The following RAP1B variants were observed in gnomAD, a reference collection of about 807,000 sequenced individuals.
RAP1B encodes RAP1B, member of RAS oncogene family.
A neutral mutation model predicts 27.5 loss-of-function variants in RAP1B; 1 was observed. That is an observed-to-expected ratio of 0.04 (90% CI 0.01 to 0.17). The LOEUF (loss-of-function observed/expected upper bound fraction) is 0.17. RAP1B is among the 10% of genes least tolerant of loss of function. RAP1B has a pLI of 1.00. For missense variants in RAP1B, 84 were observed against 214.8 expected (o/e 0.39, Z 3.81); for synonymous variants, 75 against 73.1 (o/e 1.03, Z -0.13).
chr12:68,625,592 G>A (rs772769679), intron 1 of RAP1B, among the ~76,000 whole-genome samples: 12 of 152,028 alleles, frequency 7.9e-5, no homozygotes, highest in African/African-American at 2.4e-4. Context: ...TGCAGATTAC[G>A]AACCCACAAT....
intron 1 of RAP1B, among the ~76,000 whole-genome samples, chr12:68,637,874 T>G (rs1371649991): frequency 6.6e-6 from 1 of 152,160 alleles, no homozygotes; most frequent in East Asian, 1.9e-4. Context: ...TTATTTGGTT[T>G]CATCTTCTTA....
At chr12:68,641,523 TA>T (rs1873002359) in intron 1 of RAP1B, among the ~76,000 whole-genome samples, 1 of 152,190 alleles carries the variant, frequency 6.6e-6, no homozygotes, top group Non-Finnish European at 1.5e-5. Context: ...GAAGTAATAA[TA>T]AACTACTTTT....
chr12:68,614,525 A>C (rs1870839344), intron 1 of RAP1B, among the ~76,000 whole-genome samples: 1 of 152,234 alleles, frequency 6.6e-6, no homozygotes. Context: ...ACTCTATAGA[A>C]AAGTTAGGTA....
intron 4 of RAP1B, among the ~76,000 whole-genome samples, chr12:68,653,038 C>G (rs193249256): frequency 6.6e-6 from 1 of 151,880 alleles, no homozygotes; most frequent in African/African-American, 2.4e-5. Context: ...TGGTGAAACC[C>G]GTCTCTATTA....
chr12:68,618,085 G>GTTTT (rs1871147122), intron 1 of RAP1B, among the ~76,000 whole-genome samples: 2 of 74,176 alleles, frequency 2.7e-5, no homozygotes, highest in Non-Finnish European at 2.7e-5. Context: ...GTTCTATAAA[G>GTTTT]CTTTTTTTTT....
chr12:68,632,129 GTTTTTTT>G (rs796286462), intron 1 of RAP1B, among the ~76,000 whole-genome samples: 1 of 104,414 alleles, frequency 9.6e-6, no homozygotes, highest in Non-Finnish European at 1.9e-5. Flanking sequence ...TTTTGGATTT[GTTTTTTT>G]TTTTTTTTTG....
intron 2 of RAP1B, chr12:68,649,652 A>G (rs1873669753): frequency 6.6e-6 from 1 of 152,246 alleles, no homozygotes; most frequent in South Asian, 2.1e-4. Flanking sequence ...AAGGCCACCT[A>G]GCTGAGAAGT....
Position 68,666,641 on chromosome 12 carries a change from TA to T in RAP1B, c.*7394del, listed in dbSNP as rs1188081887. ...CAGGATAATCTCATCTCAAAATGCT[TA>T]ATCACATCTGCAAAGACACTTTTTT... On this transcript the variant is annotated 3_prime_UTR_variant, in exon 8 of 8. Transcript: ENST00000250559. The T allele has an allele frequency of 2.0e-5, 3 of 152,324 alleles. No homozygotes were observed. In the East Asian group the frequency reaches 5.8e-4, roughly 29 times the overall value. The allele number at this position is 152,324 out of a possible 1,614,324, so 9.4% of individuals were successfully genotyped here. A position where few individuals can be genotyped will look rare whatever the true frequency, so the allele number is the denominator to read the frequency against.
intron 1 of RAP1B, 123 bp from the exon 2 acceptor site, chr12:68,648,576 C>T: frequency 1.3e-6 from 1 of 746,758 alleles, no homozygotes. Flanking sequence ...TAGGGTGCTC[C>T]ATACTAGGGT....
At chr12:68,622,645 T>C (rs962116885) in intron 1 of RAP1B, among the ~76,000 whole-genome samples, 2 of 152,234 alleles carry the variant, frequency 1.3e-5, no homozygotes, top group Non-Finnish European at 2.9e-5. Context: ...CTGTAGTTCT[T>C]AATCATAATC....
intron 1 of RAP1B, among the ~76,000 whole-genome samples, chr12:68,612,859 T>A (rs769529558): frequency 1.3e-5 from 2 of 152,262 alleles, no homozygotes; most frequent in African/African-American, 2.4e-5. Context: ...TTTTAATGTG[T>A]ACTACGTTAG....
In RAP1B at chr12:68,671,813, A is replaced by G. The variant is rs1244935240; in HGVS notation, c.*12564A>G. On this transcript the variant is annotated 3_prime_UTR_variant, in exon 8 of 8. Coordinates refer to ENST00000250559, the MANE Select transcript of RAP1B (RefSeq NM_001010942.3). Reference sequence around the variant, plus strand: ...TCTGGAATATAAAAAAAAAAGCTATATGAATGTCATCATTATATGTAAAAT... The same window carrying G: ...TCTGGAATATAAAAAAAAAAGCTATGTGAATGTCATCATTATATGTAAAAT... 6.6e-6 allele frequency: 1 copy of G among 152,168 alleles called. No homozygotes were observed. Among genetic ancestry groups the G allele is most frequent in the East Asian group, 1.9e-4 (1 of 5,202 alleles). 9.4% of individuals were successfully genotyped at this position (152,168 alleles called of 1,614,324 possible).
chr12:68,627,389 AAAACACAC>A, intron 1 of RAP1B: 1 of 609,172 alleles, frequency 1.6e-6, no homozygotes, highest in Non-Finnish European at 3.0e-6. Context: ...GGTGTTTTTT[AAAACACAC>A]AAATATACCC....
intron 1 of RAP1B, among the ~76,000 whole-genome samples, chr12:68,636,283 T>C (rs971562034): frequency 1.3e-5 from 2 of 152,236 alleles, no homozygotes; most frequent in African/African-American, 4.8e-5. Flanking sequence ...TCTTCATTTA[T>C]TAATGAGATT....
chr12:68,629,611 T>TA (rs1472690411), intron 1 of RAP1B, among the ~76,000 whole-genome samples: 3 of 152,210 alleles, frequency 2.0e-5, no homozygotes, highest in Non-Finnish European at 2.9e-5. Flanking sequence ...CTATAAATCT[T>TA]AAAGTTTTTA....
At chr12:68,622,489 G>T (rs1419316276) in intron 1 of RAP1B, among the ~76,000 whole-genome samples, 1 of 152,150 alleles carries the variant, frequency 6.6e-6, no homozygotes, top group Non-Finnish European at 1.5e-5. Context: ...CTAAGCTCTA[G>T]CCAGCTGTAC....
intron 1 of RAP1B, among the ~76,000 whole-genome samples, chr12:68,639,516 CTGAG>C (rs1872846207): frequency 6.6e-6 from 1 of 152,218 alleles, no homozygotes; most frequent in Non-Finnish European, 1.5e-5. Flanking sequence ...TCACTGTGGG[CTGAG>C]TTAGTGCAAG....
chr12:68,667,577 TAG>T lies in RAP1B; in HGVS notation c.*8329_*8330del, dbSNP rs1009271400. On this transcript the variant is annotated 3_prime_UTR_variant, in exon 8 of 8. Transcript: ENST00000250559. ...AAAAATGAATTTGGGCTTCTCCAGA[TAG>T]CCTTTTTATCCATTTATTATTTCAA... The T allele has an allele frequency of 6.6e-6, 1 of 152,240 alleles. No individual in the cohort carries two copies. The highest frequency in any genetic ancestry group is 1.5e-5 in the Non-Finnish European group (1 of 68,032). 9.4% of individuals were successfully genotyped at this position (152,240 alleles called of 1,614,324 possible).
chr12:68,652,170 T>A (rs535385371), intron 4 of RAP1B, 119 bp downstream of exon 4: 1 of 739,686 alleles, frequency 1.4e-6, no homozygotes, highest in East Asian at 2.8e-5. Context: ...TTGCAGCCGG[T>A]TGTAGTGGCT....
Sources: allele counts gnomAD v4.1 joint callset (sites outside exome capture counted in the v4.1 genomes callset), GRCh38; gene constraint gnomAD v4.1.1; transcripts MANE v1.5; gene names NCBI Gene and HGNC (gene_info 2026-07-23, HGNC 2026-07-21).